Variants in TXK observed in about 807,000 individuals in gnomAD.
TXK encodes TXK tyrosine kinase.
In TXK, 60 loss-of-function variants were observed where a neutral mutation model predicts 81.0. The ratio of observed to expected loss-of-function variants is 0.74; its 90% CI spans 0.60 to 0.92. TXK has a LOEUF of 0.92. TXK is among the 40% of genes least tolerant of loss of function. TXK has a pLI of 0.00. For synonymous variants in TXK, 203 were observed against 210.7 expected, an observed-to-expected ratio of 0.96 and a Z score of 0.32; for missense variants, 581 against 638.3, an observed-to-expected ratio of 0.91 and a Z score of 0.97.
chr4:48,116,203 A>T (rs963151450), intron 1 of TXK, among the ~76,000 whole-genome samples: 1 of 152,200 alleles, frequency 6.6e-6, no homozygotes, highest in Non-Finnish European at 1.5e-5. Flanking sequence ...TCGTCTGTAA[A>T]ATGGGAATAA....
Position 48,110,603 on chromosome 4 carries a change from C to G in TXK, c.381G>C (p.Gly127=), listed in dbSNP as rs1435584363. The G allele has an allele frequency of 6.2e-6, 10 of 1,611,044 alleles. No individual in the cohort carries two copies. In the South Asian group the frequency reaches 1.1e-4, roughly 18 times the overall value. The part of the protein sequence containing the change: ...PHWWKARDRL[G]NEGLIPSNYV... ...AGTTGCTTGGGATTAAGCCTTCATT[C>G]CTACAACAAAAGAAAAAGCAAAAAT... Residue 127 remains glycine, a splice_region_variant and synonymous_variant, in exon 5 of 15, where the codon GGG becomes GGC. Coordinates refer to ENST00000264316, the MANE Select transcript of TXK (RefSeq NM_003328.3).
chr4:48,102,179 A>G (rs1718219045), intron 6 of TXK, among the ~76,000 whole-genome samples: 1 of 151,744 alleles, frequency 6.6e-6, no homozygotes, highest in Admixed American at 6.6e-5. Flanking sequence ...GGGTTTCATC[A>G]TGTTGGCCAG....
chr4:48,073,503 T>A (rs1446178567), intron 13 of TXK, among the ~76,000 whole-genome samples: 1 of 152,196 alleles, frequency 6.6e-6, no homozygotes, highest in East Asian at 1.9e-4. Context: ...GATGCCACCA[T>A]TTTTTAAACT....
At chr4:48,128,029 A>T (rs1239136149) in intron 1 of TXK, among the ~76,000 whole-genome samples, 1 of 152,200 alleles carries the variant, frequency 6.6e-6, no homozygotes, top group Non-Finnish European at 1.5e-5. Flanking sequence ...GAAGAGGACA[A>T]AGGAACAGAT....
At chr4:48,113,342 T>C in intron 2 of TXK, 33 bp from the exon 3 acceptor site, 1 of 1,543,858 alleles carries the variant, frequency 6.5e-7, no homozygotes, top group Non-Finnish European at 8.9e-7. Context: ...TTACAAATAA[T>C]TATTTGTACA....
intron 1 of TXK, among the ~76,000 whole-genome samples, chr4:48,122,933 G>C (rs1243927661): frequency 6.6e-6 from 1 of 152,180 alleles, no homozygotes; most frequent in Non-Finnish European, 1.5e-5. Context: ...TAGTAGGGAG[G>C]CTTCATAGAT....
intron 7 of TXK, among the ~76,000 whole-genome samples, chr4:48,094,903 C>T (rs1432666386): frequency 6.6e-6 from 1 of 152,162 alleles, no homozygotes; most frequent in African/African-American, 2.4e-5. Flanking sequence ...CGCCCAACAG[C>T]GTCTACTACA....
rs1169482387 is a variant in TXK, at chr4:48,094,038, T to C, written c.709+39A>G. Reference sequence around the variant, plus strand: ...AAAGATGCATTGCCCATCAAGGGCATGGCTCCCTGACTCACCCAGCTGGAA... The same window carrying C: ...AAAGATGCATTGCCCATCAAGGGCACGGCTCCCTGACTCACCCAGCTGGAA... On this transcript the variant is annotated intron_variant, in intron 8 of 14. Coordinates refer to ENST00000264316, the MANE Select transcript of TXK (RefSeq NM_003328.3). 7.4e-6 allele frequency: 12 copies of C among 1,612,430 alleles called. No individual in the cohort carries two copies. In the African/African-American group the frequency reaches 1.2e-4, roughly 16 times the overall value.
chr4:48,129,091 T>C (rs11733531), intron 1 of TXK, among the ~76,000 whole-genome samples: 48,409 of 151,728 alleles, frequency 0.32, 8,571 homozygotes, highest in East Asian at 0.68. Flanking sequence ...GAGGGGAAAA[T>C]AGTAAAATTG....
chr4:48,131,443 TTTTG>T (rs141181421), intron 1 of TXK, among the ~76,000 whole-genome samples: 48,079 of 151,536 alleles, frequency 0.32, 8,428 homozygotes, highest in East Asian at 0.68. Context: ...GCTGGACTTT[TTTTG>T]TTTGTTTGTT....
chr4:48,095,463 A>G (rs3749504), intron 6 of TXK, among the ~76,000 whole-genome samples: 53,666 of 152,112 alleles, frequency 0.35, 10,024 homozygotes, highest in East Asian at 0.73. Context: ...ACTTTAGAAT[A>G]CTGTTACTGA....
At chr4:48,074,484 T>C (rs1716987757) in intron 12 of TXK, among the ~76,000 whole-genome samples, 1 of 152,224 alleles carries the variant, frequency 6.6e-6, no homozygotes, top group Admixed American at 6.5e-5. Flanking sequence ...TTCTTCCATG[T>C]GCATGTTTTT....
chr4:48,098,691 G>T (rs150507061), intron 6 of TXK, among the ~76,000 whole-genome samples: 1 of 150,428 alleles, frequency 6.6e-6, no homozygotes, highest in Non-Finnish European at 1.5e-5. Flanking sequence ...GCCGGACGCA[G>T]TGGCTCATGC....
chr4:48,113,153 C>T, intron 3 of TXK, 54 bp downstream of exon 3: 1 of 1,362,608 alleles, frequency 7.3e-7, no homozygotes, highest in South Asian at 1.2e-5. Flanking sequence ...TGAATGAAGA[C>T]TCTAAAAAGA....
At chr4:48,097,905 G>A (rs1306810720) in intron 6 of TXK, among the ~76,000 whole-genome samples, 2 of 150,554 alleles carry the variant, frequency 1.3e-5, no homozygotes, top group South Asian at 2.1e-4. Context: ...CCGTCACCAC[G>A]CCCAGCTAAT....
intron 1 of TXK, among the ~76,000 whole-genome samples, chr4:48,130,064 C>G (rs184637182): frequency 6.6e-6 from 1 of 152,060 alleles, no homozygotes; most frequent in Admixed American, 6.6e-5. Flanking sequence ...GCTGCAGTGA[C>G]GAGTTAAAAA....
chr4:48,073,791 T>C, intron 13 of TXK, 144 bp downstream of exon 13: 1 of 567,156 alleles, frequency 1.8e-6, no homozygotes, highest in Non-Finnish European at 3.1e-6. Context: ...ACAGTCGGGA[T>C]GTGGTTAGAA....
intron 8 of TXK, among the ~76,000 whole-genome samples, chr4:48,093,099 T>C (rs1577662363): frequency 1.3e-5 from 2 of 152,290 alleles, no homozygotes; most frequent in South Asian, 4.1e-4. Context: ...AGAACTGACA[T>C]CTTGACTCTA....
intron 1 of TXK, among the ~76,000 whole-genome samples, chr4:48,115,662 C>T (rs1283786655): frequency 6.6e-6 from 1 of 152,078 alleles, no homozygotes; most frequent in African/African-American, 2.4e-5. Context: ...GCCTGGGCAA[C>T]ATGGCAGAAC....
Sources: allele counts gnomAD v4.1 joint callset (sites outside exome capture counted in the v4.1 genomes callset), GRCh38; gene constraint gnomAD v4.1.1; transcripts MANE v1.5; gene names NCBI Gene and HGNC (gene_info 2026-07-23, HGNC 2026-07-21).